Variants in SPATA13 observed in about 807,000 individuals in gnomAD.
SPATA13 encodes spermatogenesis-associated protein 13.
In SPATA13, 50 loss-of-function variants were observed where a neutral mutation model predicts 104.0. That is an observed-to-expected ratio of 0.48 (90% confidence interval 0.38 to 0.61). The LOEUF (loss-of-function observed/expected upper bound fraction) is 0.61, where lower values mean the gene tolerates loss of function less well. SPATA13 is among the 20% of genes least tolerant of loss of function. The probability of loss-of-function intolerance (pLI) is 0.00; values close to 1 mark genes in which losing one functional copy is unlikely to be tolerated. For missense variants in SPATA13, 1,524 were observed against 1,690.6 expected, an observed-to-expected ratio of 0.90 and a Z score of 1.73; for synonymous variants, 606 against 667.5, an observed-to-expected ratio of 0.91 and a Z score of 1.42.
intron 4 of SPATA13, chr13:24,278,742 A>C (rs1409742378): frequency 6.3e-7 from 1 of 1,593,382 alleles, no homozygotes; most frequent in Non-Finnish European, 8.5e-7. Flanking sequence ...AAAAACAAAG[A>C]AAGAAACTTG....
intron 3 of SPATA13, chr13:24,122,378 C>T (rs1453288153): frequency 2.0e-5 from 32 of 1,570,444 alleles, no homozygotes; most frequent in Non-Finnish European, 2.8e-5. Flanking sequence ...TCTTCATCAT[C>T]AATGATTGTG....
chr13:24,082,347 T>C (rs536850482), intron 3 of SPATA13, among the ~76,000 whole-genome samples: 3 of 152,306 alleles, frequency 2.0e-5, no homozygotes, highest in South Asian at 2.1e-4. Flanking sequence ...TATTAACAAA[T>C]GCACCAGGTT....
At chr13:24,104,489 A>G (rs954002072) in intron 3 of SPATA13, among the ~76,000 whole-genome samples, 96 of 152,298 alleles carry the variant, frequency 6.3e-4, no homozygotes, top group African/African-American at 2.3e-3. Context: ...AGTATTTTGT[A>G]TATACCCACA....
rs1291753909 is a variant in SPATA13, at chr13:24,011,580, T to A, written c.-146-6087T>A. Among the ~76,000 whole-genome samples, 4 of 152,168 alleles carry A rather than the reference T, an allele frequency of 2.6e-5. No homozygotes were observed. Among genetic ancestry groups the A allele is most frequent in the Admixed American group, 6.5e-5 (1 of 15,280 alleles). Reference sequence around the variant, plus strand: ...ATGCTCCTGATGGGCCTGATATGGATACAGACTAGCATGTCCCATGCACCA... The same window carrying A: ...ATGCTCCTGATGGGCCTGATATGGAAACAGACTAGCATGTCCCATGCACCA... On this transcript the variant is annotated intron_variant, in intron 2 of 14. Coordinates refer to the SPATA13 transcript ENST00000424834. The surrounding 1 kb of genome is among the most constrained non-coding windows in gnomAD (Gnocchi z 4.3).
intron 2 of SPATA13, among the ~76,000 whole-genome samples, chr13:23,997,092 G>A (rs951282370): frequency 6.6e-6 from 1 of 152,158 alleles, no homozygotes; most frequent in Non-Finnish European, 1.5e-5. Context: ...GGTCAGTCAC[G>A]ATTGATAGAA....
intron 2 of SPATA13, among the ~76,000 whole-genome samples, chr13:23,997,645 C>T (rs2810701): frequency 6.6e-6 from 1 of 151,970 alleles, no homozygotes; most frequent in Non-Finnish European, 1.5e-5. Flanking sequence ...GCATCAGACC[C>T]GCATCTGCTT....
intron 2 of SPATA13, among the ~76,000 whole-genome samples, chr13:24,232,567 G>A (rs1472215651): frequency 2.0e-5 from 3 of 152,000 alleles, no homozygotes; most frequent in Non-Finnish European, 4.4e-5. Flanking sequence ...TTTGAGACAG[G>A]GTCTCACTCT....
rs549896242 is a variant in SPATA13 at position 24,205,557 on chromosome 13, A to T, written c.-111-17262A>T. ...CTATTCTGATTAAATTACCATTAAC[A>T]TTCTTCACAGAATTAGAAAAAAACT... On this transcript the variant is annotated intron_variant, in intron 1 of 12. Transcript: ENST00000382108. This position sits in a 1 kb window ranked among gnomAD's most constrained non-coding sequence, Gnocchi z 4.1. Among the ~76,000 whole-genome samples the T allele has an allele frequency of 2.0e-5, 3 of 152,338 alleles. No individual in the cohort carries two copies. The highest frequency in any genetic ancestry group is 1.9e-4 in the East Asian group (1 of 5,196).
At chr13:24,218,708 G>GTT (rs199886090) in intron 1 of SPATA13, among the ~76,000 whole-genome samples, 84 of 138,512 alleles carry the variant, frequency 6.1e-4, no homozygotes, top group Non-Finnish European at 1.0e-3. Context: ...ATTATGAGGG[G>GTT]TTTTTTTTTT....
chr13:24,265,053 C>G (rs1390499467), intron 4 of SPATA13, among the ~76,000 whole-genome samples: 1 of 152,200 alleles, frequency 6.6e-6, no homozygotes, highest in Non-Finnish European at 1.5e-5. Flanking sequence ...GCTTTGAAGG[C>G]ATGAAGAGAG....
chr13:24,002,930 C>T (rs1000033327), intron 2 of SPATA13, among the ~76,000 whole-genome samples: 2 of 151,980 alleles, frequency 1.3e-5, no homozygotes, highest in African/African-American at 4.8e-5. Context: ...AGAAGTGGCT[C>T]AATGAAATAT....
At chr13:24,298,883 ATGGGTAGACAT>A (rs1566203336) in intron 11 of SPATA13, among the ~76,000 whole-genome samples, 5 of 152,176 alleles carry the variant, frequency 3.3e-5, no homozygotes, top group African/African-American at 1.2e-4. Flanking sequence ...GAAACACTCA[ATGGGTAGACAT>A]TGGCCTGGAC....
chr13:24,239,025 G>A (rs899512168), intron 2 of SPATA13, among the ~76,000 whole-genome samples: 1 of 152,206 alleles, frequency 6.6e-6, no homozygotes, highest in African/African-American at 2.4e-5. Flanking sequence ...ACCTGCTCAG[G>A]GAGGCCCTGG....
chr13:24,227,220 G>A (rs1364568409), intron 2 of SPATA13, among the ~76,000 whole-genome samples: 1 of 152,106 alleles, frequency 6.6e-6, no homozygotes, highest in East Asian at 1.9e-4. Flanking sequence ...ATTTGTATAT[G>A]TCTGGAGGGT....
chr13:24,023,690 T>G (rs1046077821), intron 3 of SPATA13, among the ~76,000 whole-genome samples: 2 of 152,090 alleles, frequency 1.3e-5, no homozygotes, highest in African/African-American at 4.8e-5. Context: ...AGAGATGCAG[T>G]GTGAGAACCC....
chr13:24,197,087 G>A (rs1358517475), intron 1 of SPATA13, among the ~76,000 whole-genome samples: 1 of 152,118 alleles, frequency 6.6e-6, no homozygotes, highest in Non-Finnish European at 1.5e-5. Context: ...ACCTGAGATG[G>A]GTATGATCTT....
chr13:24,268,724 A>T (rs543370100), intron 4 of SPATA13, among the ~76,000 whole-genome samples: 142 of 152,318 alleles, frequency 9.3e-4, no homozygotes, highest in Admixed American at 1.4e-3. Flanking sequence ...GTGCCACTGC[A>T]CTCCAGCCTG....
chr13:24,116,025 A>C (rs1249032187), intron 3 of SPATA13, among the ~76,000 whole-genome samples: 1 of 152,200 alleles, frequency 6.6e-6, no homozygotes, highest in African/African-American at 2.4e-5. Context: ...TCATTTCTGC[A>C]ATGTCATTTT....
chr13:24,057,254 C>T (rs1380680885), intron 3 of SPATA13, among the ~76,000 whole-genome samples: 1 of 150,978 alleles, frequency 6.6e-6, no homozygotes, highest in South Asian at 2.1e-4. Flanking sequence ...CACAACAGTC[C>T]CCGGAGTGTG....
Sources: allele counts gnomAD v4.1 joint callset (sites outside exome capture counted in the v4.1 genomes callset), GRCh38; gene constraint gnomAD v4.1.1; non-coding constraint Gnocchi (gnomAD v3.1); transcripts MANE v1.5; gene names NCBI Gene and HGNC (gene_info 2026-07-23, HGNC 2026-07-21).